The following SYT1 variants were observed in gnomAD, a reference collection of about 807,000 sequenced individuals.
The protein encoded by SYT1 is synaptotagmin-1.
In SYT1, 8 loss-of-function variants were observed where a neutral mutation model predicts 44.8. The ratio of observed to expected loss-of-function variants is 0.18; its 90% CI spans 0.10 to 0.32. The LOEUF (loss-of-function observed/expected upper bound fraction) is 0.32. Among genes scored for constraint, SYT1 ranks in the 10% least tolerant of loss-of-function variants. The pLI, the probability that SYT1 is intolerant of heterozygous loss-of-function variation, is 1.00. For missense variants in SYT1, 286 were observed against 509.3 expected (o/e 0.56, Z 4.22); for synonymous variants, 154 against 188.8 (o/e 0.82, Z 1.51).
chr12:78,954,618 TATG>T (rs1879121909), intron 1 of SYT1, among the ~76,000 whole-genome samples: 1 of 152,106 alleles, frequency 6.6e-6, no homozygotes, highest in African/African-American at 2.4e-5. Flanking sequence ...TTGTTGTGCA[TATG>T]ATATTTACCC....
At chr12:79,249,740 C>T (rs1195878367) in intron 4 of SYT1, among the ~76,000 whole-genome samples, 1 of 152,100 alleles carries the variant, frequency 6.6e-6, no homozygotes, top group Non-Finnish European at 1.5e-5. Flanking sequence ...ATCAATGAAC[C>T]AACAAGAGAA....
At chr12:79,416,938 T>G (rs1302221683) in intron 9 of SYT1, among the ~76,000 whole-genome samples, 1 of 152,152 alleles carries the variant, frequency 6.6e-6, no homozygotes, top group Admixed American at 6.6e-5. Context: ...TAGTCATAAA[T>G]AGCAAAAATA....
intron 1 of SYT1, among the ~76,000 whole-genome samples, chr12:78,865,540 T>G (rs1873490774): frequency 7.2e-6 from 1 of 139,312 alleles, no homozygotes; most frequent in African/African-American, 2.7e-5. Flanking sequence ...GGAGAAAGAT[T>G]TCTTTCTGTT....
At chr12:79,111,044 A>C (rs566868128) in intron 3 of SYT1, among the ~76,000 whole-genome samples, 4 of 152,118 alleles carry the variant, frequency 2.6e-5, no homozygotes, top group Non-Finnish European at 4.4e-5. Flanking sequence ...TATTTTTCAA[A>C]ATCTTAACTA....
intron 5 of SYT1, among the ~76,000 whole-genome samples, chr12:79,286,905 TTTTA>T: frequency 6.6e-6 from 1 of 152,122 alleles, no homozygotes; most frequent in Non-Finnish European, 1.5e-5. Context: ...AATACAAAAG[TTTTA>T]TTTATTCCCA....
At chr12:78,895,008 T>G (rs998434147) in intron 1 of SYT1, among the ~76,000 whole-genome samples, 1 of 151,626 alleles carries the variant, frequency 6.6e-6, no homozygotes, top group East Asian at 1.9e-4. Flanking sequence ...TCAAAACATA[T>G]TATACAATAT....
At chr12:79,164,741 T>A (rs1871140052) in intron 3 of SYT1, among the ~76,000 whole-genome samples, 1 of 151,994 alleles carries the variant, frequency 6.6e-6, no homozygotes, top group South Asian at 2.1e-4. Flanking sequence ...AGTGGATAGA[T>A]TAGATTTAAA....
At chr12:78,944,136 G>T (rs1878529971) in intron 1 of SYT1, among the ~76,000 whole-genome samples, 2 of 151,472 alleles carry the variant, frequency 1.3e-5, no homozygotes, top group Non-Finnish European at 2.9e-5. Flanking sequence ...CTCTGGGAAG[G>T]AATATACGCT....
intron 3 of SYT1, among the ~76,000 whole-genome samples, chr12:79,120,972 C>CAT (rs1413874365): frequency 1.3e-5 from 2 of 148,364 alleles, no homozygotes; most frequent in Non-Finnish European, 3.0e-5. Flanking sequence ...TACACACACA[C>CAT]ATTTGTATAT....
intron 4 of SYT1, among the ~76,000 whole-genome samples, chr12:79,236,683 G>A (rs145032367): frequency 6.6e-6 from 1 of 152,252 alleles, no homozygotes; most frequent in Non-Finnish European, 1.5e-5. Flanking sequence ...CATGTTATAT[G>A]CCCTACAAGG....
chr12:79,266,347 A>G (rs1319379115), intron 4 of SYT1, among the ~76,000 whole-genome samples: 1 of 152,156 alleles, frequency 6.6e-6, no homozygotes, highest in Non-Finnish European at 1.5e-5. Context: ...GGGCTTATAT[A>G]TGGTATTACT....
At chr12:79,144,226 C>G (rs934143562) in intron 3 of SYT1, among the ~76,000 whole-genome samples, 1 of 152,206 alleles carries the variant, frequency 6.6e-6, no homozygotes, top group African/African-American at 2.4e-5. Flanking sequence ...ACTTATTTCT[C>G]CTGAATCTCA....
chr12:79,116,423 G>C (rs533792127), intron 3 of SYT1, among the ~76,000 whole-genome samples: 1 of 152,284 alleles, frequency 6.6e-6, no homozygotes, highest in African/African-American at 2.4e-5. Context: ...GGAAGGCAAA[G>C]TATTTCCTGC....
intron 3 of SYT1, among the ~76,000 whole-genome samples, chr12:79,099,247 C>T (rs1434402057): frequency 6.6e-6 from 1 of 152,030 alleles, no homozygotes; most frequent in Non-Finnish European, 1.5e-5. Context: ...ATTAATTACT[C>T]CCTCAACTAA....
intron 1 of SYT1, among the ~76,000 whole-genome samples, chr12:78,885,198 G>C (rs1407393996): frequency 6.6e-6 from 1 of 151,286 alleles, no homozygotes; most frequent in Non-Finnish European, 1.5e-5. Context: ...CCTTTCAGTG[G>C]GGGCAGAAAA....
chr12:79,347,956 T>C (rs947929897), intron 8 of SYT1, among the ~76,000 whole-genome samples: 1 of 151,982 alleles, frequency 6.6e-6, no homozygotes, highest in African/African-American at 2.4e-5. Context: ...AATGAAACAA[T>C]TCATACCAGT....
chr12:79,027,021 C>T (rs1872581063), intron 2 of SYT1, among the ~76,000 whole-genome samples: 1 of 151,416 alleles, frequency 6.6e-6, no homozygotes, highest in South Asian at 2.1e-4. Flanking sequence ...GAAAATAGAA[C>T]TACCACACAA....
At chr12:79,376,655 G>A (rs1884007343) in intron 9 of SYT1, among the ~76,000 whole-genome samples, 1 of 152,188 alleles carries the variant, frequency 6.6e-6, no homozygotes, top group African/African-American at 2.4e-5. Context: ...TCCTATTTAA[G>A]ATGGAGTTGC....
intron 5 of SYT1, among the ~76,000 whole-genome samples, 159 bp downstream of exon 5, chr12:79,286,130 A>G (rs760237019): frequency 1.3e-5 from 2 of 152,208 alleles, no homozygotes; most frequent in Non-Finnish European, 2.9e-5. Flanking sequence ...ATCCCAAAGC[A>G]TAATGGAAGC....
Sources: gnomAD v4.1 joint callset for allele counts (sites outside exome capture counted in the v4.1 genomes callset) on GRCh38, gnomAD v4.1.1 for gene constraint, MANE v1.5 for transcripts, NCBI Gene and HGNC (gene_info 2026-07-23, HGNC 2026-07-21) for gene names.